IL1RAPL2: variants seen among roughly 807,000 people sequenced by gnomAD.
IL1RAPL2 encodes X-linked interleukin-1 receptor accessory protein-like 2.
In IL1RAPL2, 3 loss-of-function variants were observed where a neutral mutation model predicts 44.1. The ratio of observed to expected loss-of-function variants is 0.07; its 90% CI spans 0.03 to 0.18. The LOEUF (loss-of-function observed/expected upper bound fraction) is 0.18. Among genes scored for constraint, IL1RAPL2 ranks in the 10% least tolerant of loss-of-function variants. The pLI is 1.00. For missense variants in IL1RAPL2, 391 were observed against 496.4 expected (o/e 0.79, Z 2.02); for synonymous variants, 181 against 178.8 (o/e 1.01, Z -0.10).
intron 2 of IL1RAPL2, among the ~76,000 whole-genome samples, chrX:105,020,383 A>C (rs2031264135): frequency 8.9e-6 from 1 of 111,884 alleles, no homozygotes; most frequent in Non-Finnish European, 1.9e-5. Flanking sequence ...GTTTTAAAGG[A>C]AATAGTGCAG....
At chrX:105,190,653 A>G (rs2033625429) in intron 2 of IL1RAPL2, among the ~76,000 whole-genome samples, 1 of 111,728 alleles carries the variant, frequency 9.0e-6, no homozygotes, top group Non-Finnish European at 1.9e-5. Flanking sequence ...GGGATTTCCA[A>G]TTTGGGGAAA....
chrX:104,734,679 G>A, intron 2 of IL1RAPL2, among the ~76,000 whole-genome samples: 1 of 111,559 alleles, frequency 9.0e-6, no homozygotes. Flanking sequence ...TAGTGTTTTG[G>A]GGTGATGGAA....
chrX:104,824,374 G>C (rs775284025), intron 2 of IL1RAPL2, among the ~76,000 whole-genome samples: 4 of 111,848 alleles, frequency 3.6e-5, no homozygotes, highest in South Asian at 7.5e-4. Context: ...TCTCTGCCAG[G>C]TTTTGGTAAC....
rs747259071 is a variant in IL1RAPL2 at position 105,318,043 on chromosome X, G to T, written c.697+50502G>T. Among the ~76,000 whole-genome samples, 364 of 108,028 alleles carry T rather than the reference G, an allele frequency of 3.4e-3. 3 individuals are homozygous for T. Among genetic ancestry groups the T allele is most frequent in the African/African-American group, 0.012 (346 of 29,640 alleles). 93.8% of individuals were successfully genotyped at this position (108,028 alleles called of 115,157 possible). On this transcript the variant is annotated intron_variant, in intron 5 of 10. Transcript: ENST00000372582. ...GCTGGAGTGCAGTGGCGCGATCTCG[G>T]CTCACTGCAAGCTCCGCCTCCCGGG... is the stretch of plus-strand genomic sequence containing the variant.
chrX:105,697,113 A>G (rs997141118), intron 6 of IL1RAPL2, among the ~76,000 whole-genome samples: 1 of 110,172 alleles, frequency 9.1e-6, no homozygotes, highest in African/African-American at 3.3e-5. Context: ...ACATGAACTA[A>G]TAGAGCTCTC....
At chrX:104,821,783 T>C (rs1921310172) in intron 2 of IL1RAPL2, among the ~76,000 whole-genome samples, 1 of 111,935 alleles carries the variant, frequency 8.9e-6, no homozygotes, top group Non-Finnish European at 1.9e-5. Flanking sequence ...CTGGGTCAAA[T>C]GGTATTTCTA....
intron 5 of IL1RAPL2, among the ~76,000 whole-genome samples, chrX:105,409,845 T>TAGATAGATAGATAGATAGACAGAC (rs757454072): frequency 1.2e-5 from 1 of 85,953 alleles, no homozygotes. Flanking sequence ...GATAGATAGA[T>TAGATAGATAGATAGATAGACAGAC]AGACAGACAG....
chrX:105,610,493 A>C (rs889082381), intron 6 of IL1RAPL2, among the ~76,000 whole-genome samples: 3 of 111,302 alleles, frequency 2.7e-5, no homozygotes, highest in African/African-American at 9.8e-5. Flanking sequence ...GCCCCAGGCA[A>C]CCACTGAGTT....
At chrX:105,591,696 G>T (rs181218984) in intron 6 of IL1RAPL2, among the ~76,000 whole-genome samples, 1 of 111,788 alleles carries the variant, frequency 8.9e-6, no homozygotes, top group Admixed American at 9.5e-5. Context: ...TCAGGAGAAG[G>T]TTGTTTAATT....
intron 2 of IL1RAPL2, among the ~76,000 whole-genome samples, chrX:105,139,657 G>A (rs1010825045): frequency 1.5e-4 from 17 of 111,391 alleles, no homozygotes; most frequent in Admixed American, 1.4e-3. Flanking sequence ...GAGAGCTAGC[G>A]CTCATGTCTC....
At chrX:104,635,760 G>C (rs1007681436) in intron 1 of IL1RAPL2, among the ~76,000 whole-genome samples, 6 of 111,235 alleles carry the variant, frequency 5.4e-5, no homozygotes, top group Non-Finnish European at 9.4e-5. Flanking sequence ...TTTTTTCAAG[G>C]TTTTTAACTT....
At chrX:104,635,292 A>C (rs1248006664) in intron 1 of IL1RAPL2, among the ~76,000 whole-genome samples, 1 of 110,200 alleles carries the variant, frequency 9.1e-6, no homozygotes, top group African/African-American at 3.3e-5. Context: ...CCTTCATTTC[A>C]ACTTTGGTGA....
intron 3 of IL1RAPL2, chrX:105,218,799 T>A: frequency 5.4e-6 from 2 of 370,401 alleles, no homozygotes; most frequent in African/African-American, 2.9e-5. Flanking sequence ...TCACCACCCC[T>A]ATCTCTGAAG....
chrX:104,903,110 A>G (rs1294741842), intron 2 of IL1RAPL2, among the ~76,000 whole-genome samples: 2 of 111,955 alleles, frequency 1.8e-5, no homozygotes, highest in Non-Finnish European at 3.8e-5. Flanking sequence ...GATATTCAAT[A>G]CAATAGCCAA....
chrX:105,294,642 T>C (rs2034641325), intron 5 of IL1RAPL2, among the ~76,000 whole-genome samples: 1 of 112,339 alleles, frequency 8.9e-6, no homozygotes, highest in South Asian at 3.7e-4. Flanking sequence ...GAAGAGTGAA[T>C]TGATTAATCA....
chrX:105,660,629 A>G (rs2037712953), intron 6 of IL1RAPL2, among the ~76,000 whole-genome samples: 1 of 111,678 alleles, frequency 9.0e-6, no homozygotes, highest in Non-Finnish European at 1.9e-5. Flanking sequence ...TAAGAAGCAG[A>G]GGGACACAGT....
intron 6 of IL1RAPL2, among the ~76,000 whole-genome samples, chrX:105,619,305 A>C (rs1184746719): frequency 9.1e-6 from 1 of 110,468 alleles, no homozygotes; most frequent in Non-Finnish European, 1.9e-5. Flanking sequence ...TGCGGATTTG[A>C]GTCCATGCCT....
At position 105,767,204 on chromosome X, in the gene IL1RAPL2, A is replaced by C. The variant is rs1006296917; in HGVS notation, c.1604A>C (p.Lys535Thr). Reference sequence around the variant, plus strand: ...AGCATCAAACTTCTGTCCCTGATCAAGTGGAAGGGATCCAAAAGCAGCAAA... The same window carrying C: ...AGCATCAAACTTCTGTCCCTGATCACGTGGAAGGGATCCAAAAGCAGCAAA... ...KRSIKLLSLI[K>T]WKGSKSSKLN... is the part of the protein sequence containing the mutation. Residue 535 changes from lysine (K) to threonine (T), a missense_variant, in exon 11 of 11, where the codon AAG becomes ACG. By Grantham distance (78) the Lys-to-Thr change is moderately conservative (BLOSUM62 -1). Transcript: ENST00000372582. The C allele has an allele frequency of 2.5e-6, 3 of 1,209,460 alleles. No homozygotes were observed. The African/African-American group carries it at 5.2e-5, about 21-fold the overall frequency.
At position 104,680,592 on chromosome X, in the gene IL1RAPL2, T is replaced by C. The variant is rs187960868; in HGVS notation, c.82+21597T>C. Among the ~76,000 whole-genome samples the C allele has an allele frequency of 4.1e-3, 452 of 110,980 alleles. 3 individuals are homozygous for C. Among genetic ancestry groups the C allele is most frequent in the African/African-American group, 0.014 (424 of 30,569 alleles). On this transcript the variant is annotated intron_variant, in intron 2 of 10. Transcript: ENST00000372582. The stretch of plus-strand genomic sequence containing the variant: ...ATTTTGCTCTGGGCCCTGCAGATTA[T>C]AGGGGAACTACCCCCAAAGACATGA...
Sources: gnomAD v4.1 joint callset for allele counts (sites outside exome capture counted in the v4.1 genomes callset) on GRCh38, gnomAD v4.1.1 for gene constraint, MANE v1.5 for transcripts, NCBI Gene and HGNC (gene_info 2026-07-23, HGNC 2026-07-21) for gene names.